SNX29: variants seen among roughly 807,000 people sequenced by gnomAD.
SNX29 encodes sorting nexin 29.
Under a neutral mutation model 102.1 loss-of-function variants are expected in SNX29, and 78 were observed. The ratio of observed to expected loss-of-function variants is 0.76; its 90% CI spans 0.64 to 0.92. The LOEUF (loss-of-function observed/expected upper bound fraction) is 0.92, where lower values mean the gene tolerates loss of function less well. Among genes scored for constraint, SNX29 ranks in the 40% least tolerant of loss-of-function variants. SNX29 has a pLI of 0.00. For synonymous variants in SNX29, 580 were observed against 414.5 expected (o/e 1.40, Z -4.85); for missense variants, 1,280 against 1,061.7 (o/e 1.21, Z -2.86).
At chr16:12,145,484 C>A in intron 13 of SNX29, among the ~76,000 whole-genome samples, 1 of 152,034 alleles carries the variant, frequency 6.6e-6, no homozygotes, top group South Asian at 2.1e-4. Context: ...AGGTTTTTCC[C>A]TTAAGTTAGG....
chr16:12,555,895 C>G (rs911541836), intron 20 of SNX29, among the ~76,000 whole-genome samples: 11 of 152,056 alleles, frequency 7.2e-5, no homozygotes, highest in Non-Finnish European at 1.3e-4. Context: ...CCCTCCTGTT[C>G]TTGGTCTCAA....
At position 12,317,552 on chromosome 16, in the gene SNX29, A is replaced by G. The variant is rs111965536; in HGVS notation, c.1783-38611A>G. ...ATGGGAACGTGCTGCTTGTAAAGCC[A>G]TAAAGAACAAATAACATGGCTTAGA... On this transcript the variant is annotated intron_variant, in intron 15 of 20. Coordinates refer to ENST00000566228, the MANE Select transcript of SNX29 (RefSeq NM_032167.5). 4.8e-3 allele frequency among the ~76,000 whole-genome samples: 737 copies of G among 152,310 alleles called. 5 individuals carry two copies. Among genetic ancestry groups the G allele is most frequent in the African/African-American group, 0.017 (715 of 41,578 alleles).
intron 19 of SNX29, among the ~76,000 whole-genome samples, chr16:12,483,523 G>A (rs1181150413): frequency 6.6e-6 from 1 of 151,788 alleles, no homozygotes; most frequent in Non-Finnish European, 1.5e-5. Flanking sequence ...CACCATGTTG[G>A]TCAGGCTGGT....
intron 19 of SNX29, among the ~76,000 whole-genome samples, chr16:12,483,067 T>G (rs1438535809): frequency 6.6e-6 from 1 of 150,654 alleles, no homozygotes. Context: ...AAGTTTATTC[T>G]TTCATAGCTG....
intron 18 of SNX29, among the ~76,000 whole-genome samples, chr16:12,418,002 A>G (rs942688631): frequency 2.0e-5 from 3 of 152,180 alleles, no homozygotes; most frequent in East Asian, 3.9e-4. Flanking sequence ...GGGAATAGAT[A>G]AAGCCGCAGG....
At chr16:12,197,329 G>C (rs1335673339) in intron 13 of SNX29, among the ~76,000 whole-genome samples, 1 of 152,124 alleles carries the variant, frequency 6.6e-6, no homozygotes, top group African/African-American at 2.4e-5. Context: ...CAGCACTTGG[G>C]GAGGCTGAGG....
At chr16:12,565,090 G>A (rs1465563) in intron 20 of SNX29, among the ~76,000 whole-genome samples, 39,876 of 151,932 alleles carry the variant, frequency 0.26, 5,774 homozygotes, top group East Asian at 0.44. Context: ...ACATGGGGTC[G>A]TCTTCTCTTC....
chr16:12,129,422 A>G (rs1444828897), intron 12 of SNX29, among the ~76,000 whole-genome samples: 1 of 152,252 alleles, frequency 6.6e-6, no homozygotes, highest in Admixed American at 6.5e-5. Flanking sequence ...AGCCCAGGCC[A>G]TAGATGACTG....
chr16:12,378,293 C>T (rs1046641021), intron 16 of SNX29, among the ~76,000 whole-genome samples: 5 of 152,072 alleles, frequency 3.3e-5, no homozygotes, highest in African/African-American at 1.2e-4. Flanking sequence ...GAGATCACAT[C>T]GATAAGAGTG....
chr16:12,033,121 C>CTGG (rs2057388064), intron 4 of SNX29, among the ~76,000 whole-genome samples: 1 of 152,096 alleles, frequency 6.6e-6, no homozygotes, highest in Non-Finnish European at 1.5e-5. Context: ...TCCCAAAGTG[C>CTGG]TGGAAGTACA....
chr16:12,004,513 A>C (rs1596567476), intron 3 of SNX29, among the ~76,000 whole-genome samples: 1 of 152,118 alleles, frequency 6.6e-6, no homozygotes, highest in Admixed American at 6.5e-5. Flanking sequence ...GCTCAGTCAG[A>C]GCTGATCCTT....
chr16:12,078,452 A>C (rs933182820), intron 10 of SNX29, among the ~76,000 whole-genome samples: 4 of 152,038 alleles, frequency 2.6e-5, no homozygotes, highest in South Asian at 4.2e-4. Flanking sequence ...GAAAAGTGGA[A>C]AAAAAAATGC....
chr16:12,207,095 G>A (rs1261204725), intron 14 of SNX29, among the ~76,000 whole-genome samples: 1 of 152,124 alleles, frequency 6.6e-6, no homozygotes, highest in Non-Finnish European at 1.5e-5. Context: ...TAGGCCAAGC[G>A]CGGTTGCTCA....
At chr16:11,995,998 T>C (rs1302161169) in intron 1 of SNX29, among the ~76,000 whole-genome samples, 5 of 149,978 alleles carry the variant, frequency 3.3e-5, no homozygotes, top group Admixed American at 6.6e-5. Flanking sequence ...AGGTGGAGGT[T>C]GCAGGGAGCC....
intron 19 of SNX29, among the ~76,000 whole-genome samples, chr16:12,479,175 A>T (rs1386570768): frequency 6.6e-6 from 1 of 152,224 alleles, no homozygotes; most frequent in Non-Finnish European, 1.5e-5. Context: ...GTCTGGGTTT[A>T]ACAAGCCCTC....
chr16:12,568,039 C>G (rs904609202), intron 20 of SNX29, among the ~76,000 whole-genome samples: 5 of 152,314 alleles, frequency 3.3e-5, no homozygotes, highest in Middle Eastern at 3.4e-3. Flanking sequence ...AGCCCCTAGC[C>G]TAGGGCCTGA....
chr16:12,101,172 G>GT (rs1178897432), intron 11 of SNX29, among the ~76,000 whole-genome samples: 1 of 152,126 alleles, frequency 6.6e-6, no homozygotes, highest in East Asian at 1.9e-4. Flanking sequence ...GGTAGAGGTT[G>GT]TGCGTGCGCA....
At chr16:12,458,087 G>A (rs1475122795) in intron 18 of SNX29, among the ~76,000 whole-genome samples, 6 of 152,322 alleles carry the variant, frequency 3.9e-5, no homozygotes, top group African/African-American at 1.4e-4. Context: ...CAGTCTTGCA[G>A]CTGTGCAAAA....
intron 13 of SNX29, among the ~76,000 whole-genome samples, chr16:12,139,282 A>T (rs1242970720): frequency 2.0e-5 from 3 of 150,616 alleles, no homozygotes; most frequent in Non-Finnish European, 1.5e-5. Context: ...GGTCCCTCTG[A>T]GATACGCTTC....
Sources: gnomAD v4.1 joint callset for allele counts (sites outside exome capture counted in the v4.1 genomes callset) on GRCh38, gnomAD v4.1.1 for gene constraint, MANE v1.5 for transcripts, NCBI Gene and HGNC (gene_info 2026-07-23, HGNC 2026-07-21) for gene names.